FMN1: variants seen among roughly 807,000 people sequenced by gnomAD.
FMN1 encodes formin-1.
Under a neutral mutation model 132.4 loss-of-function variants are expected in FMN1, and 110 were observed. The ratio of observed to expected loss-of-function variants is 0.83; its 90% CI spans 0.71 to 0.97. The LOEUF is 0.97. FMN1 is among the 50% of genes least tolerant of loss of function. The pLI is 0.00. For synonymous variants in FMN1, 722 were observed against 651.7 expected, an observed-to-expected ratio of 1.11 and a Z score of -1.64; for missense variants, 1,792 against 1,705.3, an observed-to-expected ratio of 1.05 and a Z score of -0.90.
chr15:33,009,363 A>T (rs2034584413), intron 6 of FMN1, among the ~76,000 whole-genome samples: 2 of 152,174 alleles, frequency 1.3e-5, no homozygotes, highest in Non-Finnish European at 2.9e-5. Flanking sequence ...GAACCAGATC[A>T]TCTCATCCTT....
At chr15:32,893,833 T>C (rs1483561483) in intron 15 of FMN1, among the ~76,000 whole-genome samples, 1 of 152,250 alleles carries the variant, frequency 6.6e-6, no homozygotes, top group Non-Finnish European at 1.5e-5. Flanking sequence ...CAACCACAAC[T>C]ATATTCCACA....
intron 3 of FMN1, among the ~76,000 whole-genome samples, chr15:33,166,305 G>T (rs1333709582): frequency 6.7e-6 from 1 of 149,548 alleles, no homozygotes; most frequent in Non-Finnish European, 1.5e-5. Context: ...AGTACCACTG[G>T]CACTCACTTT....
intron 15 of FMN1, among the ~76,000 whole-genome samples, chr15:32,898,190 G>A (rs1490002470): frequency 6.6e-6 from 1 of 152,194 alleles, no homozygotes; most frequent in Non-Finnish European, 1.5e-5. Flanking sequence ...TTAAGCAGAA[G>A]TCCTGACAGC....
At position 33,100,439 on chromosome 15, in the gene FMN1, A is replaced by G. The variant is rs1432688822; in HGVS notation, c.1868-11465T>C. Reference sequence around the variant, plus strand: ...TTGGCAATATCTGAAACGGGGGTTGACACCTATGCCCGAAGGCCAAATACA... The same window carrying G: ...TTGGCAATATCTGAAACGGGGGTTGGCACCTATGCCCGAAGGCCAAATACA... On this transcript the variant is annotated intron_variant, in intron 4 of 20. Coordinates refer to ENST00000616417, the MANE Select transcript of FMN1 (RefSeq NM_001277313.2). 2.0e-5 allele frequency among the ~76,000 whole-genome samples: 3 copies of G among 152,120 alleles called. No individual in the cohort carries two copies. In the East Asian group the frequency reaches 5.8e-4, roughly 29 times the overall value.
rs1355703560 is a variant in FMN1, at chr15:33,082,020, G to GGGGTGTGTGT, written c.2043+6778_2043+6779insACACACACCC. Among the ~76,000 whole-genome samples the GGGGTGTGTGT allele has an allele frequency of 4.8e-4, 56 of 117,820 alleles. 1 individual carries two copies. Among genetic ancestry groups the GGGGTGTGTGT allele is most frequent in the African/African-American group, 1.8e-3 (52 of 29,432 alleles). The allele number at this position is 117,820 out of a possible 152,430, so 77.3% of individuals were successfully genotyped here. A position where few individuals can be genotyped will look rare whatever the true frequency, so the allele number is the denominator to read the frequency against. On this transcript the variant is annotated intron_variant, in intron 5 of 20. Transcript: ENST00000616417. ...CCAGAATCAACAAGAAGAGTTCAGG[G>GGGGTGTGTGT]GTGTGTGTGTGTGTGTGTGTGTGTG...
chr15:33,133,092 C>G (rs1963616950), intron 4 of FMN1, among the ~76,000 whole-genome samples: 1 of 152,190 alleles, frequency 6.6e-6, no homozygotes, highest in Admixed American at 6.5e-5. Context: ...ATCTCTTTGC[C>G]TCCCACATCA....
intron 6 of FMN1, among the ~76,000 whole-genome samples, chr15:33,058,055 T>A (rs553259787): frequency 2.1e-5 from 3 of 141,004 alleles, no homozygotes; most frequent in Non-Finnish European, 3.2e-5. Flanking sequence ...GGTGGAAAGG[T>A]GTGGTGGGGC....
chr15:33,049,968 A>G (rs537271682), intron 6 of FMN1, among the ~76,000 whole-genome samples: 1 of 152,280 alleles, frequency 6.6e-6, no homozygotes, highest in African/African-American at 2.4e-5. Flanking sequence ...ATTCAGCTGA[A>G]GTTTTTTCTT....
Position 33,052,021 on chromosome 15 carries a change from C to T in FMN1, c.2161+12936G>A, listed in dbSNP as rs556868056. On this transcript the variant is annotated intron_variant, in intron 6 of 20. Transcript: ENST00000616417. ...GTCTCTCACTCTGCTGCCTTATGTC[C>T]CTTGGTCAAATTCTTTCTTCTGAGG... is the stretch of plus-strand genomic sequence containing the variant. 8.7e-4 allele frequency among the ~76,000 whole-genome samples: 132 copies of T among 152,256 alleles called. No individual in the cohort carries two copies. The Middle Eastern group carries it at 0.034, about 39-fold the overall frequency.
chr15:33,030,286 G>T (rs182725299), intron 6 of FMN1, among the ~76,000 whole-genome samples: 1 of 152,364 alleles, frequency 6.6e-6, no homozygotes, highest in East Asian at 1.9e-4. Flanking sequence ...CCGGAATTTG[G>T]AATGGGTTAT....
chr15:32,863,213 G>A (rs1310164793), intron 16 of FMN1, among the ~76,000 whole-genome samples: 5 of 152,184 alleles, frequency 3.3e-5, no homozygotes, highest in African/African-American at 1.2e-4. Flanking sequence ...GGAGGCCGAG[G>A]CGGGCGGATC....
Position 32,776,678 on chromosome 15 carries a change from C to T in FMN1, c.4215+157G>A, listed in dbSNP as rs187512999. 1.2e-3 allele frequency among the ~76,000 whole-genome samples: 186 copies of T among 149,502 alleles called. 7 individuals are homozygous for T. The Admixed American group carries it at 0.012, about 10-fold the overall frequency. On this transcript the variant is annotated intron_variant, in intron 20 of 20. Transcript: ENST00000616417. ...ATAAAGCTATGTTTTGTACCTCCACCCACACATACTTTTTTTTTTTTTTTT... is the reference window on the plus strand; with the variant it reads ...ATAAAGCTATGTTTTGTACCTCCACTCACACATACTTTTTTTTTTTTTTTT...
chr15:33,030,433 G>A (rs1352803257), intron 6 of FMN1, among the ~76,000 whole-genome samples: 1 of 152,168 alleles, frequency 6.6e-6, no homozygotes, highest in Non-Finnish European at 1.5e-5. Context: ...GTCACTCTGT[G>A]GATCTACGTT....
At chr15:33,084,480 T>C (rs2038611955) in intron 5 of FMN1, among the ~76,000 whole-genome samples, 1 of 152,036 alleles carries the variant, frequency 6.6e-6, no homozygotes, top group African/African-American at 2.4e-5. Flanking sequence ...CCTTAACTTG[T>C]GGGATGTGGC....
chr15:32,784,373 CTTTTT>C (rs966286179), intron 19 of FMN1, among the ~76,000 whole-genome samples: 1 of 143,520 alleles, frequency 7.0e-6, no homozygotes, highest in Non-Finnish European at 1.5e-5. Flanking sequence ...AAGAGGTCTG[CTTTTT>C]TTTTTTTAAC....
intron 3 of FMN1, among the ~76,000 whole-genome samples, chr15:33,160,566 C>G (rs2140299384): frequency 6.6e-6 from 1 of 152,268 alleles, no homozygotes; most frequent in Admixed American, 6.5e-5. Flanking sequence ...AGAAAAAAAG[C>G]AAAAGGACAG....
At position 33,154,477 on chromosome 15, in the gene FMN1, G is replaced by A. The variant is rs1273320107; in HGVS notation, c.438C>T (p.Gly146=). The change falls in exon 4 of 21, where the codon GGC becomes GGT. Residue 146 remains glycine, a synonymous_variant. Transcript: ENST00000616417. ...AGDWQGELPV[G]PLNKRSTHGN... is the part of the protein sequence containing the mutation. ...CGTGGGTGCTCCTCTTATTGAGAGG[G>A]CCCACGGGGAGCTCTCCCTGCCAGT... is the stretch of plus-strand genomic sequence containing the variant. 2 of 1,535,916 alleles carry A rather than the reference G, an allele frequency of 1.3e-6. No individual in the cohort carries two copies. Among genetic ancestry groups the A allele is most frequent in the South Asian group, 1.2e-5 (1 of 84,042 alleles).
At chr15:33,068,040 C>G in intron 5 of FMN1, 1 of 1,435,036 alleles carries the variant, frequency 7.0e-7, no homozygotes, top group East Asian at 2.5e-5. Context: ...TGGTCTCTTT[C>G]GGGTCACAGT....
chr15:33,080,785 G>A (rs544758233), intron 5 of FMN1, among the ~76,000 whole-genome samples: 3 of 152,224 alleles, frequency 2.0e-5, no homozygotes, highest in Admixed American at 1.3e-4. Flanking sequence ...TACTCGGGAA[G>A]CTGAGGCATG....
Sources: gnomAD v4.1 joint callset for allele counts (sites outside exome capture counted in the v4.1 genomes callset) on GRCh38, gnomAD v4.1.1 for gene constraint, MANE v1.5 for transcripts, NCBI Gene and HGNC (gene_info 2026-07-23, HGNC 2026-07-21) for gene names.